ZNF219: variants seen among roughly 807,000 people sequenced by gnomAD.
The protein encoded by ZNF219 is zinc finger protein 219.
Under a neutral mutation model 54.4 loss-of-function variants are expected in ZNF219, and 17 were observed. The observed-to-expected ratio is 0.31, with a 90% CI of 0.21 to 0.47. ZNF219 has a LOEUF of 0.47. Ranked by LOEUF, ZNF219 falls within the 20% of genes least tolerant of loss-of-function variation. The pLI, the probability that ZNF219 is intolerant of heterozygous loss-of-function variation, is 1.00. For synonymous variants in ZNF219, 518 were observed against 476.4 expected (o/e 1.09, Z -1.14); for missense variants, 1,014 against 1,062.3 (o/e 0.95, Z 0.63).
chr14:21,092,533 T>C lies in ZNF219; in HGVS notation c.764A>G (p.Glu255Gly). The C allele has an allele frequency of 6.5e-7, 1 of 1,549,502 alleles. No homozygotes were observed. Among genetic ancestry groups the C allele is most frequent in the Non-Finnish European group, 8.7e-7 (1 of 1,146,528 alleles). ...QPEPEPEPER[E>G]ATPTPAPAAP... ...GGCAGGAGCTGGGGTCGGGGTTGCC[T>C]CACGTTCGGGCTCCGGCTCCGGCTC... is the stretch of plus-strand genomic sequence containing the variant. Residue 255 changes from glutamate (E) to glycine (G), a missense_variant, in exon 3 of 5, where the codon GAG (glutamate) becomes GGG (glycine). Physicochemically the swap from Glu to Gly is moderately conservative, Grantham distance 98. Coordinates refer to ENST00000360947, the MANE Select transcript of ZNF219 (RefSeq NM_016423.3).
intron 3 of ZNF219, 124 bp from the exon 4 acceptor site, chr14:21,091,666 G>C: frequency 6.8e-7 from 1 of 1,480,400 alleles, no homozygotes; most frequent in Non-Finnish European, 9.0e-7. Context: ...CAAAGTCTGA[G>C]GGGTTAGATT....
intron 1 of ZNF219, among the ~76,000 whole-genome samples, chr14:21,095,802 T>C (rs1889253928): frequency 6.6e-6 from 1 of 152,226 alleles, no homozygotes; most frequent in African/African-American, 2.4e-5. Context: ...AGGGATTATT[T>C]TGGCCTTTTA....
Position 21,091,157 on chromosome 14 carries a change from C to A in ZNF219, c.1565-17G>T. 2 of 1,592,834 alleles carry A rather than the reference C, an allele frequency of 1.3e-6. No homozygotes were observed. The highest frequency in any genetic ancestry group is 1.7e-5 in the Admixed American group (1 of 57,532). On this transcript the variant is annotated splice_polypyrimidine_tract_variant and intron_variant, in intron 4 of 4. Transcript: ENST00000360947. ...GCCGCTCGCCTGGGGAGAGTGGGTG[C>A]GATAGGGTCACGGGGTCACGATGAC...
chr14:21,103,286 C>T (rs1042073637), upstream of ZNF219: 31 of 1,542,498 alleles, frequency 2.0e-5, no homozygotes, highest in African/African-American at 3.4e-4. Context: ...ATTCCTGCAT[C>T]CCACCCCACC....
chr14:21,103,897 G>A (rs749598210), upstream of ZNF219: 1 of 152,390 alleles, frequency 6.6e-6, no homozygotes, highest in East Asian at 1.9e-4. Context: ...TGGGTCCCCA[G>A]CCCTGCGCTG....
chr14:21,097,635 C>G (rs947068156), intron 1 of ZNF219, among the ~76,000 whole-genome samples: 1 of 152,130 alleles, frequency 6.6e-6, no homozygotes, highest in East Asian at 1.9e-4. Flanking sequence ...CACCCCAGAC[C>G]CCTCCCCAGG....
intron 1 of ZNF219, among the ~76,000 whole-genome samples, chr14:21,097,669 G>T (rs924400786): frequency 2.6e-5 from 4 of 152,178 alleles, no homozygotes; most frequent in Non-Finnish European, 5.9e-5. Context: ...AGGATGATGG[G>T]GGGCAGGGTT....
In ZNF219 at chr14:21,093,310, T is replaced by C. The variant is rs370987156; in HGVS notation, c.7-20A>G. 2.0e-5 allele frequency: 31 copies of C among 1,556,530 alleles called. No homozygotes were observed. The highest frequency in any genetic ancestry group is 4.1e-5 in the African/African-American group (3 of 73,184). Reference sequence around the variant, plus strand: ...TGAGCCCTGTGGAGAAAGATCTGCGTAGAGCAAAGGGTGAAGGTAGAGCTG... The same window carrying C: ...TGAGCCCTGTGGAGAAAGATCTGCGCAGAGCAAAGGGTGAAGGTAGAGCTG... On this transcript the variant is annotated intron_variant, in intron 2 of 4. Coordinates refer to ENST00000360947, the MANE Select transcript of ZNF219 (RefSeq NM_016423.3).
upstream of ZNF219, chr14:21,102,521 G>A: frequency 6.4e-7 from 1 of 1,551,748 alleles, no homozygotes; most frequent in African/African-American, 1.4e-5. Context: ...CCCAGGTACT[G>A]GTCAATGAAG....
At chr14:21,101,509 T>C (rs763826154), upstream of ZNF219, 63 of 1,327,632 alleles carry the variant, frequency 4.7e-5, no homozygotes, top group Non-Finnish European at 6.4e-5. Flanking sequence ...CCAATTCAAT[T>C]CCATCCATCC....
At chr14:21,101,329 G>A, upstream of ZNF219, 1 of 1,551,036 alleles carries the variant, frequency 6.4e-7, no homozygotes, top group South Asian at 1.2e-5. Flanking sequence ...CCTAATTCTT[G>A]TGGGCAAAGG....
upstream of ZNF219, chr14:21,101,218 A>C (rs1451340645): frequency 3.5e-6 from 3 of 846,440 alleles, no homozygotes; most frequent in East Asian, 5.7e-5. Flanking sequence ...AAATCCCTGG[A>C]TATTGGGAGT....
rs573109160 is a variant in ZNF219, at chr14:21,090,552, C to G, written c.2153G>C (p.Gly718Ala). The G allele has an allele frequency of 1.2e-5, 19 of 1,598,836 alleles. No individual in the cohort carries two copies. The highest frequency in any genetic ancestry group is 3.3e-5 in the South Asian group (3 of 90,470). Reference protein sequence around the residue: ...GLSRPGEAGLGGQER With the variant: ...GLSRPGEAGLAGQER ...GAGGGCCCACTACCGTTCTTGCCCC[C>G]CCAGCCCTGCCTCTCCGGGTCTGGA... Residue 718 changes from glycine to alanine, a missense_variant, in exon 5 of 5, where the codon GGG becomes GCG. Around this residue, in one of 5 missense-constraint regions of ZNF219, gnomAD observed 281 missense variants for 271.2 expected, o/e 1.04. Coordinates refer to ENST00000360947, the MANE Select transcript of ZNF219 (RefSeq NM_016423.3). The surrounding 1 kb of genome is among the most constrained non-coding windows in gnomAD (Gnocchi z 4.4).
chr14:21,090,446 GC>G lies in ZNF219; in HGVS notation c.*89del. 2 of 1,468,576 alleles carry G rather than the reference GC, an allele frequency of 1.4e-6. No homozygotes were observed. Among genetic ancestry groups the G allele is most frequent in the East Asian group, 2.3e-5 (1 of 42,558 alleles). The allele number at this position is 1,468,576 out of a possible 1,614,324, so 91.0% of individuals were successfully genotyped here. On this transcript the variant is annotated 3_prime_UTR_variant, in exon 5 of 5. Coordinates refer to ENST00000360947, the MANE Select transcript of ZNF219 (RefSeq NM_016423.3). The surrounding 1 kb of genome is among the most constrained non-coding windows in gnomAD (Gnocchi z 4.4). ...GGGGCTGGGATATGGGTCCCACGCT[GC>G]CCCCTGCTGGCTTCTCTACCCAACT...
chr14:21,092,603 G>T lies in ZNF219; in HGVS notation c.694C>A (p.Pro232Thr). The T allele has an allele frequency of 6.5e-7, 1 of 1,547,954 alleles. No homozygotes were observed. The highest frequency in any genetic ancestry group is 8.7e-7 in the Non-Finnish European group (1 of 1,147,858). ...TSAAPPPQPQ[P>T]QPPPQPEPRS... ...GGTTCGGGCTGGGGTGGAGGCTGAG[G>T]CTGAGGCTGAGGCGGAGGCGCAGCG... Residue 232 changes from proline (P) to threonine (T), a missense_variant, in exon 3 of 5, where the codon CCT (proline) becomes ACT (threonine). Transcript: ENST00000360947.
upstream of ZNF219, chr14:21,102,271 G>A (rs547733732): frequency 4.5e-5 from 63 of 1,405,330 alleles, no homozygotes; most frequent in Middle Eastern, 1.8e-4. Flanking sequence ...AAGCAAAAAA[G>A]TTAAGAGGGC....
chr14:21,090,532 C>A lies in ZNF219; in HGVS notation c.*4G>T, dbSNP rs750558024. 1.3e-6 allele frequency: 2 copies of A among 1,586,534 alleles called. No individual in the cohort carries two copies. The highest frequency in any genetic ancestry group is 1.7e-6 in the Non-Finnish European group (2 of 1,163,062). On this transcript the variant is annotated 3_prime_UTR_variant, in exon 5 of 5. Coordinates refer to ENST00000360947, the MANE Select transcript of ZNF219 (RefSeq NM_016423.3). This position sits in a 1 kb window ranked among gnomAD's most constrained non-coding sequence, Gnocchi z 4.4. ...TCACTAAGCTAATCGCCCCTGAGGG[C>A]CCACTACCGTTCTTGCCCCCCCAGC...
At position 21,090,601 on chromosome 14, in the gene ZNF219, C is replaced by T; in HGVS notation, c.2104G>A (p.Glu702Lys). ...SGETPPSPSQ[E>K]GEEGSGLSRP... ...GACAGCCCGGAGCCCTCCTCCCCTT[C>T]CTGCGAAGGACTGGGAGGGGTCTCT... The change falls in exon 5 of 5, where the codon GAA becomes AAA. Residue 702 changes from glutamate (E) to lysine (K), a missense_variant. By Grantham distance (56) the Glu-to-Lys change is moderately conservative (BLOSUM62 1). Coordinates refer to ENST00000360947, the MANE Select transcript of ZNF219 (RefSeq NM_016423.3). This position sits in a 1 kb window ranked among gnomAD's most constrained non-coding sequence, Gnocchi z 4.4. 1 of 1,610,546 alleles carries T rather than the reference C, an allele frequency of 6.2e-7. No individual in the cohort carries two copies. Among genetic ancestry groups the T allele is most frequent in the Non-Finnish European group, 8.5e-7 (1 of 1,178,286 alleles).
Position 21,093,261 on chromosome 14 carries a change from G to C in ZNF219, c.36C>G (p.His12Gln). The change falls in exon 3 of 5, where the codon CAC becomes CAG. Residue 12 changes from histidine to glutamine, a missense_variant. His to Gln is a conservative substitution (Grantham distance 24, BLOSUM62 0). Around this residue, in one of 5 missense-constraint regions of ZNF219, gnomAD observed 395 missense variants for 415.1 expected, o/e 0.95. Transcript: ENST00000360947. ...CGAAAGCCGGCGGCGACGGCGCTAA[G>C]TGGCCGCTCGGGGCGCGGGGACGTG... ...EGSRPRAPSG[H>Q]LAPSPPAFDG... 1 of 1,594,702 alleles carries C rather than the reference G, an allele frequency of 6.3e-7. No homozygotes were observed. Among genetic ancestry groups the C allele is most frequent in the Non-Finnish European group, 8.5e-7 (1 of 1,177,308 alleles).
Sources: allele counts gnomAD v4.1 joint callset (sites outside exome capture counted in the v4.1 genomes callset), GRCh38; gene constraint gnomAD v4.1.1; regional missense constraint gnomAD v4.1.1; non-coding constraint Gnocchi (gnomAD v3.1); transcripts MANE v1.5; gene names NCBI Gene and HGNC (gene_info 2026-07-23, HGNC 2026-07-21).